The following RAB9B variants were observed in gnomAD, a reference collection of about 807,000 sequenced individuals.
RAB9B encodes RAB9B, member RAS oncogene family, also known as ras-related protein Rab-9B.
RAB9B carries 1 observed loss-of-function variant against 8.9 expected under a neutral mutation model. The observed-to-expected ratio is 0.11, with a 90% CI of 0.04 to 0.53. The LOEUF is 0.53. Among genes scored for constraint, RAB9B ranks in the 20% least tolerant of loss-of-function variants. RAB9B has a pLI of 0.93. For synonymous variants in RAB9B, 63 were observed against 57.0 expected (o/e 1.10, Z -0.47); for missense variants, 82 against 152.9 (o/e 0.54, Z 2.45).
the RAB9B span, among the ~76,000 whole-genome samples, chrX:103,782,174 C>G: frequency 8.9e-6 from 1 of 112,154 alleles, no homozygotes; most frequent in Admixed American, 9.5e-5. Flanking sequence ...CTTAAATGCC[C>G]CCAAAGCAAA....
rs185467818 is a variant in RAB9B, at chrX:103,825,902, G to A, written c.-42-76C>T. On this transcript the variant is annotated intron_variant, in intron 2 of 2. Transcript: ENST00000243298. ...AATCAACTTCATAGCAAATTTCTCT[G>A]AATTATAAGGCCTTCTCATTCAACT... 1.9e-5 allele frequency: 14 copies of A among 746,173 alleles called. No homozygotes were observed. In the East Asian group the frequency reaches 4.2e-4, roughly 22 times the overall value. The allele number at this position is 746,173 out of a possible 1,213,427, so 61.5% of individuals were successfully genotyped here. A position where few individuals can be genotyped will look rare whatever the true frequency, so the allele number is the denominator to read the frequency against.
At chrX:103,821,645 C>G (rs1337867480), downstream of RAB9B, among the ~76,000 whole-genome samples, 3 of 112,050 alleles carry the variant, frequency 2.7e-5, no homozygotes, top group African/African-American at 9.7e-5. Context: ...TTTGTTTCAC[C>G]TATATTTTCA....
the RAB9B span, among the ~76,000 whole-genome samples, chrX:103,785,365 C>T: frequency 8.9e-6 from 1 of 112,581 alleles, no homozygotes; most frequent in Non-Finnish European, 1.9e-5. Context: ...GCATGAGCCA[C>T]CGTGCCCGGC....
In RAB9B at chrX:103,822,329, C is replaced by T. The variant is rs923932122; in HGVS notation, c.*2850G>A. 1 of 112,241 alleles carries T rather than the reference C, an allele frequency of 8.9e-6. No homozygotes were observed. The highest frequency in any genetic ancestry group is 3.2e-5 in the African/African-American group (1 of 30,864). 9.2% of individuals were successfully genotyped at this position (112,241 alleles called of 1,213,427 possible). ...AGGGAATAAACACAAACATTGTGTG[C>T]TGGTTATTCAAAATGCACTTTTTAT... On this transcript the variant is annotated 3_prime_UTR_variant, in exon 3 of 3. Coordinates refer to ENST00000243298, the MANE Select transcript of RAB9B (RefSeq NM_016370.4).
downstream of RAB9B, among the ~76,000 whole-genome samples, chrX:103,817,634 TAA>T (rs762348633): frequency 1.5e-4 from 16 of 110,170 alleles, no homozygotes; most frequent in East Asian, 1.1e-3. Flanking sequence ...CACATATATA[TAA>T]GTTTAGTCTA....
the RAB9B span, among the ~76,000 whole-genome samples, chrX:103,807,169 T>C: frequency 8.9e-6 from 1 of 111,940 alleles, no homozygotes; most frequent in African/African-American, 3.2e-5. Flanking sequence ...AATGAGAGTT[T>C]GCTTTGAAGT....
the RAB9B span, chrX:103,786,618 A>C: frequency 5.8e-6 from 7 of 1,211,793 alleles, no homozygotes. Flanking sequence ...GCCTGAGCGC[A>C]ACGGTAACAG....
chrX:103,799,188 T>TTATA, the RAB9B span, among the ~76,000 whole-genome samples: 5 of 107,618 alleles, frequency 4.6e-5, no homozygotes, highest in South Asian at 4.0e-4. Context: ...CTGCTCAAAT[T>TTATA]TATATATATA....
chrX:103,780,789 T>C, the RAB9B span: 1 of 112,726 alleles, frequency 8.9e-6, no homozygotes, highest in Non-Finnish European at 1.9e-5. Context: ...TGATAATTGT[T>C]GTTTTACTCC....
downstream of RAB9B, among the ~76,000 whole-genome samples, chrX:103,819,932 C>T (rs182206985): frequency 8.9e-6 from 1 of 112,343 alleles, no homozygotes; most frequent in Non-Finnish European, 1.9e-5. Context: ...TCCTAACCCC[C>T]CAAGGTTATG....
At chrX:103,819,464 A>G (rs186961978), downstream of RAB9B, among the ~76,000 whole-genome samples, 79 of 112,117 alleles carry the variant, frequency 7.0e-4, no homozygotes, top group African/African-American at 2.5e-3. Context: ...AGATTTATGA[A>G]GACACAAAGA....
chrX:103,792,983 G>A, the RAB9B span, among the ~76,000 whole-genome samples: 1 of 112,120 alleles, frequency 8.9e-6, no homozygotes, highest in Non-Finnish European at 1.9e-5. Flanking sequence ...CCCAGTCCCC[G>A]GTGCATTTAG....
chrX:103,823,913 T>C lies in RAB9B; in HGVS notation c.*1266A>G, dbSNP rs769138076. The C allele has an allele frequency of 4.4e-5, 5 of 112,510 alleles. No homozygotes were observed. The South Asian group carries it at 1.8e-3, about 41-fold the overall frequency. The allele number at this position is 112,510 out of a possible 1,213,427, so 9.3% of individuals were successfully genotyped here. A position where few individuals can be genotyped will look rare whatever the true frequency, so the allele number is the denominator to read the frequency against. On this transcript the variant is annotated 3_prime_UTR_variant, in exon 3 of 3. Coordinates refer to ENST00000243298, the MANE Select transcript of RAB9B (RefSeq NM_016370.4). The stretch of plus-strand genomic sequence containing the variant: ...CTTAGCTGTTATCATCAGATAAATC[T>C]AACCACAGCATGGCACTGATGTAGT...
the RAB9B span, among the ~76,000 whole-genome samples, chrX:103,814,057 G>T: frequency 2.7e-5 from 3 of 110,944 alleles, no homozygotes; most frequent in African/African-American, 6.6e-5. Flanking sequence ...GGATATTCAG[G>T]ACTTGAACTC....
chrX:103,813,212 C>A, the RAB9B span, among the ~76,000 whole-genome samples: 1 of 110,278 alleles, frequency 9.1e-6, no homozygotes, highest in African/African-American at 3.3e-5. Context: ...TGAGCCAGCA[C>A]GTCCAGCATC....
the RAB9B span, among the ~76,000 whole-genome samples, chrX:103,802,169 T>G: frequency 2.1e-5 from 2 of 94,774 alleles, no homozygotes; most frequent in Admixed American, 1.3e-4. Context: ...AAAATAGGGG[T>G]AGGGATGATA....
chrX:103,802,685 C>G, the RAB9B span, among the ~76,000 whole-genome samples: 230 of 111,445 alleles, frequency 2.1e-3, 2 homozygotes, highest in East Asian at 0.023. Flanking sequence ...ATACAATTGA[C>G]CCATTTAAAG....
rs1288822952 is a variant in RAB9B at position 103,822,808 on chromosome X, C to CTGAG, written c.*2367_*2370dup. ...ACCCAAACTGTATGTCAGCACCCCA[C>CTGAG]TGAGTGTTGCTTACCCAAATGCCAC... On this transcript the variant is annotated 3_prime_UTR_variant, in exon 3 of 3. Coordinates refer to ENST00000243298, the MANE Select transcript of RAB9B (RefSeq NM_016370.4). 1 of 111,233 alleles carries CTGAG rather than the reference C, an allele frequency of 9.0e-6. No individual in the cohort carries two copies. The highest frequency in any genetic ancestry group is 1.9e-5 in the Non-Finnish European group (1 of 53,096). 9.2% of individuals were successfully genotyped at this position (111,233 alleles called of 1,213,427 possible). A position where few individuals can be genotyped will look rare whatever the true frequency, so the allele number is the denominator to read the frequency against.
the RAB9B span, among the ~76,000 whole-genome samples, chrX:103,780,468 T>TGTGC: frequency 3.6e-5 from 4 of 109,649 alleles, no homozygotes; most frequent in African/African-American, 1.3e-4. Context: ...TGTGTGTGTG[T>TGTGC]GCGCGTCTGA....
Sources: allele counts gnomAD v4.1 joint callset (sites outside exome capture counted in the v4.1 genomes callset), GRCh38; gene constraint gnomAD v4.1.1; transcripts MANE v1.5; gene names NCBI Gene and HGNC (gene_info 2026-07-23, HGNC 2026-07-21).